Variants in TUBA1C observed in about 807,000 individuals in gnomAD.
TUBA1C encodes the protein tubulin alpha 1c, also known as tubulin alpha-1C chain.
A neutral mutation model predicts 34.9 loss-of-function variants in TUBA1C; 16 were observed. The observed-to-expected ratio is 0.46, with a 90% CI of 0.31 to 0.70. TUBA1C has a LOEUF of 0.70. Ranked by LOEUF, TUBA1C falls within the 30% of genes least tolerant of loss-of-function variation. The pLI, the probability that TUBA1C is intolerant of heterozygous loss-of-function variation, is 0.05. For missense variants in TUBA1C, 329 were observed against 587.3 expected (o/e 0.56, Z 4.55); for synonymous variants, 177 against 215.9 (o/e 0.82, Z 1.58).
chr12:49,233,815 G>A (rs1942521340), intron 1 of TUBA1C: 1 of 152,320 alleles, frequency 6.6e-6, no homozygotes, highest in African/African-American at 2.4e-5. Flanking sequence ...TGGGCAAGGT[G>A]AAGGGCAGGG....
intron 3 of TUBA1C, chr12:49,270,328 G>A: frequency 2.5e-6 from 1 of 398,092 alleles, no homozygotes; most frequent in Admixed American, 3.7e-5. Context: ...AGAAAGTTCA[G>A]AGAACAAGAA....
chr12:49,257,149 CAAA>C (rs199657602), intron 1 of TUBA1C, among the ~76,000 whole-genome samples: 1 of 92,386 alleles, frequency 1.1e-5, no homozygotes, highest in Admixed American at 1.2e-4. Flanking sequence ...CACTCCATCT[CAAA>C]AAAAAAAAAA....
chr12:49,270,066 G>A (rs751298614), intron 3 of TUBA1C, 90 bp downstream of exon 3: 22 of 1,609,214 alleles, frequency 1.4e-5, no homozygotes, highest in Non-Finnish European at 1.9e-5. Flanking sequence ...CAACTAAAAT[G>A]AGACTATTTG....
At position 49,273,245 on chromosome 12, in the gene TUBA1C, T is replaced by C. The variant is rs760437770; in HGVS notation, c.*18T>C. The C allele has an allele frequency of 5.6e-6, 9 of 1,614,102 alleles. No homozygotes were observed. Among genetic ancestry groups the C allele is most frequent in the African/African-American group, 1.3e-5 (1 of 74,942 alleles). On this transcript the variant is annotated 3_prime_UTR_variant, in exon 4 of 4. Transcript: ENST00000301072. ...AGTATTAACCTGTGTGCTGTACTTT[T>C]ACACTCCTTTGTCTTGGAACTGTCT...
intron 1 of TUBA1C, among the ~76,000 whole-genome samples, chr12:49,230,084 C>T (rs944089309): frequency 7.0e-6 from 1 of 143,520 alleles, no homozygotes; most frequent in African/African-American, 2.6e-5. Flanking sequence ...ACATCCTGGC[C>T]TTTTTTTTTT....
At chr12:49,248,684 A>T (rs1246709606) in intron 1 of TUBA1C, among the ~76,000 whole-genome samples, 1 of 151,582 alleles carries the variant, frequency 6.6e-6, no homozygotes, top group Non-Finnish European at 1.5e-5. Flanking sequence ...TAACACAGTG[A>T]AACTCCGTCT....
chr12:49,272,749 T>C lies in TUBA1C; in HGVS notation c.872T>C (p.Ile291Thr). ...CACGAACAGCTTACTGTAGCAGAGA[T>C]CACCAATGCTTGCTTTGAGCCAGCC... is the stretch of plus-strand genomic sequence containing the variant. ...AYHEQLTVAEITNACFEPANQ... is the reference protein window; with the variant it reads ...AYHEQLTVAETTNACFEPANQ... The change falls in exon 4 of 4, where the codon ATC becomes ACC. Residue 291 changes from isoleucine (I) to threonine (T), a missense_variant. This residue lies in a region of TUBA1C where 140 missense variants were observed against 289.8 expected (regional missense o/e 0.48). Coordinates refer to ENST00000301072, the MANE Select transcript of TUBA1C (RefSeq NM_032704.5). 6.2e-7 allele frequency: 1 copy of C among 1,613,574 alleles called. No homozygotes were observed. The highest frequency in any genetic ancestry group is 2.2e-5 in the East Asian group (1 of 44,874).
chr12:49,237,211 G>A (rs761559631), intron 1 of TUBA1C, among the ~76,000 whole-genome samples: 8 of 151,920 alleles, frequency 5.3e-5, no homozygotes, highest in Non-Finnish European at 1.2e-4. Flanking sequence ...TCTGAGGCCA[G>A]GAGTTCAAGA....
chr12:49,229,354 G>A (rs766380370), intron 1 of TUBA1C, among the ~76,000 whole-genome samples: 13 of 152,092 alleles, frequency 8.5e-5, no homozygotes, highest in African/African-American at 2.4e-5. Context: ...TGTATTTTTA[G>A]TAGAGACAGG....
exon 1 of TUBA1C, chr12:49,227,931 A>T (rs1345939146): frequency 1.8e-5 from 27 of 1,534,672 alleles, no homozygotes; most frequent in Non-Finnish European, 2.3e-5. Context: ...GAAGAAAGTG[A>T]ACAATGGGCG....
intron 1 of TUBA1C, among the ~76,000 whole-genome samples, chr12:49,266,972 C>T (rs1314423615): frequency 6.6e-6 from 1 of 152,162 alleles, no homozygotes; most frequent in Non-Finnish European, 1.5e-5. Context: ...TAGTGAGACC[C>T]TTTAAAAAGC....
Position 49,269,588 on chromosome 12 carries a change from G to T in TUBA1C, c.127G>T (p.Gly43Trp). 6.2e-7 allele frequency: 1 copy of T among 1,614,216 alleles called. No homozygotes were observed. Among genetic ancestry groups the T allele is most frequent in the Non-Finnish European group, 8.5e-7 (1 of 1,180,026 alleles). ...CCAGATGCCAAGTGACAAGACCATT[G>T]GGGGAGGAGATGATTCCTTCAACAC... is the stretch of plus-strand genomic sequence containing the variant. ...DGQMPSDKTI[G>W]GGDDSFNTFF... is the part of the protein sequence containing the mutation. The change falls in exon 2 of 4, where the codon GGG (glycine) becomes TGG (tryptophan). Residue 43 changes from glycine (G) to tryptophan (W), a missense_variant. By Grantham distance (184) the Gly-to-Trp change is radical. Transcript: ENST00000301072.
intron 1 of TUBA1C, among the ~76,000 whole-genome samples, chr12:49,243,149 AT>A (rs1030366545): frequency 5.9e-5 from 9 of 152,198 alleles, no homozygotes; most frequent in African/African-American, 2.2e-4. Context: ...ATTTGTTAAG[AT>A]GAAATAAGGT....
At chr12:49,231,141 T>G (rs565852617) in intron 1 of TUBA1C, among the ~76,000 whole-genome samples, 1 of 152,312 alleles carries the variant, frequency 6.6e-6, no homozygotes, top group South Asian at 2.1e-4. Context: ...AGCTGTTTGT[T>G]GTTCCATTAG....
chr12:49,228,796 C>T (rs1942465298), intron 1 of TUBA1C, among the ~76,000 whole-genome samples: 1 of 152,188 alleles, frequency 6.6e-6, no homozygotes, highest in Non-Finnish European at 1.5e-5. Flanking sequence ...ATTTACAAGT[C>T]TCTGTTCCCC....
chr12:49,265,589 C>G (rs993456697), intron 1 of TUBA1C, among the ~76,000 whole-genome samples: 4 of 152,224 alleles, frequency 2.6e-5, no homozygotes, highest in Non-Finnish European at 5.9e-5. Flanking sequence ...GGCCCTCGTG[C>G]GCTCCCGCAC....
chr12:49,261,846 T>C (rs554326702), upstream of TUBA1C, among the ~76,000 whole-genome samples: 2 of 152,348 alleles, frequency 1.3e-5, no homozygotes, highest in South Asian at 2.1e-4. Context: ...GCAGTAGGTA[T>C]GCAACGCTTA....
intron 1 of TUBA1C, among the ~76,000 whole-genome samples, chr12:49,240,443 G>T (rs778972592): frequency 2.6e-5 from 4 of 152,022 alleles, no homozygotes; most frequent in Admixed American, 6.6e-5. Context: ...TGTGTTTTCA[G>T]TATAGATCAG....
At chr12:49,271,616 C>T (rs1189443649) in intron 3 of TUBA1C, among the ~76,000 whole-genome samples, 3 of 152,204 alleles carry the variant, frequency 2.0e-5, no homozygotes, top group Non-Finnish European at 4.4e-5. Context: ...CTGGTACAGC[C>T]GGATCCTGAC....
Sources: allele counts gnomAD v4.1 joint callset (sites outside exome capture counted in the v4.1 genomes callset), GRCh38; gene constraint gnomAD v4.1.1; regional missense constraint gnomAD v4.1.1; transcripts MANE v1.5; gene names NCBI Gene and HGNC (gene_info 2026-07-23, HGNC 2026-07-21).